RIMS1: variants seen among roughly 807,000 people sequenced by gnomAD.
The protein encoded by RIMS1 is regulating synaptic membrane exocytosis protein 1.
A neutral mutation model predicts 214.1 loss-of-function variants in RIMS1; 83 were observed. The ratio of observed to expected loss-of-function variants is 0.39; its 90% CI spans 0.32 to 0.47. The LOEUF (loss-of-function observed/expected upper bound fraction) is 0.47, where lower values mean the gene tolerates loss of function less well. Ranked by LOEUF, RIMS1 falls within the 20% of genes least tolerant of loss-of-function variation. The probability of loss-of-function intolerance (pLI) is 0.99; values close to 1 mark genes in which losing one functional copy is unlikely to be tolerated. For missense variants in RIMS1, 2,050 were observed against 2,161.8 expected (o/e 0.95, Z 1.03); for synonymous variants, 793 against 786.8 (o/e 1.01, Z -0.13).
chr6:72,113,537 CTT>C (rs1224245959), intron 4 of RIMS1, among the ~76,000 whole-genome samples: 1 of 152,066 alleles, frequency 6.6e-6, no homozygotes, highest in Non-Finnish European at 1.5e-5. Context: ...AATTGAATAA[CTT>C]TTAGCTTTTA....
intron 2 of RIMS1, among the ~76,000 whole-genome samples, chr6:72,096,367 A>G (rs2031682592): frequency 6.6e-6 from 1 of 152,210 alleles, no homozygotes; most frequent in Non-Finnish European, 1.5e-5. Flanking sequence ...ATAGATAAGT[A>G]GCCTCCAGGA....
chr6:72,018,625 T>C (rs1234014580), intron 2 of RIMS1, among the ~76,000 whole-genome samples: 3 of 152,074 alleles, frequency 2.0e-5, no homozygotes, highest in South Asian at 2.1e-4. Context: ...GATGAGAGTA[T>C]TGGGAGAAAA....
At position 71,886,910 on chromosome 6, in the gene RIMS1, C is replaced by A; in HGVS notation, c.-114C>A. 7.8e-7 allele frequency: 1 copy of A among 1,283,176 alleles called. No homozygotes were observed. Among genetic ancestry groups the A allele is most frequent in the Non-Finnish European group, 1.1e-6 (1 of 926,206 alleles). 79.5% of individuals were successfully genotyped at this position (1,283,176 alleles called of 1,614,324 possible). ...GCCGCCGCCGCCGCTGCTCCTCCTC[C>A]TGCCGCCGCCGCTAGGGCTCCGCTG... On this transcript the variant is annotated 5_prime_UTR_variant, in exon 1 of 34. It adds an upstream start codon to the 5' untranslated region. Transcript: ENST00000521978.
chr6:72,343,492 CTTTTTTT>C (rs764125827), intron 29 of RIMS1, among the ~76,000 whole-genome samples: 1 of 57,270 alleles, frequency 1.7e-5, no homozygotes, highest in Non-Finnish European at 2.9e-5. Context: ...TCTTCTTCTT[CTTTTTTT>C]TTTTTTTTTT....
At chr6:71,895,018 G>A (rs1263658931) in intron 1 of RIMS1, among the ~76,000 whole-genome samples, 2 of 152,118 alleles carry the variant, frequency 1.3e-5, no homozygotes, top group Non-Finnish European at 1.5e-5. Context: ...TATTTACATA[G>A]AGAAGGTATG....
At chr6:72,224,665 G>A (rs907532706) in intron 6 of RIMS1, among the ~76,000 whole-genome samples, 23 of 152,284 alleles carry the variant, frequency 1.5e-4, no homozygotes, top group African/African-American at 4.8e-4. Context: ...GTCTTTGACC[G>A]ACATTAACGT....
chr6:72,112,210 C>T (rs190994051), intron 4 of RIMS1, among the ~76,000 whole-genome samples: 2 of 152,216 alleles, frequency 1.3e-5, no homozygotes, highest in African/African-American at 4.8e-5. Flanking sequence ...AATATATCCA[C>T]AATGCAACCT....
At chr6:71,990,653 G>C (rs1457494211) in intron 2 of RIMS1, among the ~76,000 whole-genome samples, 1 of 152,108 alleles carries the variant, frequency 6.6e-6, no homozygotes, top group Non-Finnish European at 1.5e-5. Flanking sequence ...TTCCATGAGA[G>C]ACCTGGGGGC....
intron 6 of RIMS1, among the ~76,000 whole-genome samples, chr6:72,231,466 A>G (rs2061953403): frequency 6.6e-6 from 1 of 151,688 alleles, no homozygotes; most frequent in African/African-American, 2.4e-5. Context: ...TTTGTTAGCA[A>G]TATTTAGTAG....
chr6:72,358,770 G>A lies in RIMS1; in HGVS notation c.4366+24935G>A, dbSNP rs116033478. 4.5e-3 allele frequency among the ~76,000 whole-genome samples: 678 copies of A among 152,300 alleles called. 5 individuals carry two copies. The highest frequency in any genetic ancestry group is 0.016 in the African/African-American group (653 of 41,570). ...CAAGAGGAAAGACACCTTTTGCATTGTTACAGGAGAGAAAGAGGGAAAGAA... is the reference window on the plus strand; with the variant it reads ...CAAGAGGAAAGACACCTTTTGCATTATTACAGGAGAGAAAGAGGGAAAGAA... On this transcript the variant is annotated intron_variant, in intron 29 of 33. Transcript: ENST00000521978.
chr6:71,963,905 C>G (rs529494717), intron 1 of RIMS1, among the ~76,000 whole-genome samples: 33 of 152,154 alleles, frequency 2.2e-4, no homozygotes, highest in Non-Finnish European at 4.7e-4. Flanking sequence ...ATTCATTTAA[C>G]AAATATGTGG....
intron 4 of RIMS1, 87 bp from the exon 5 acceptor site, chr6:72,179,486 TTC>T (rs1371227959): frequency 1.7e-5 from 18 of 1,090,390 alleles, no homozygotes; most frequent in Non-Finnish European, 2.4e-5. Flanking sequence ...ATGAATACTG[TTC>T]TTTTTTTCTT....
chr6:72,132,810 A>T (rs998309964), intron 4 of RIMS1, among the ~76,000 whole-genome samples: 1 of 152,242 alleles, frequency 6.6e-6, no homozygotes, highest in African/African-American at 2.4e-5. Flanking sequence ...GTAATGAAGT[A>T]ATATCTCATT....
At chr6:71,928,785 G>A (rs1782248758) in intron 1 of RIMS1, among the ~76,000 whole-genome samples, 1 of 152,022 alleles carries the variant, frequency 6.6e-6, no homozygotes, top group South Asian at 2.1e-4. Flanking sequence ...AATCTACAGG[G>A]GTGGAACCTG....
At chr6:72,355,004 A>G (rs1218732313) in intron 29 of RIMS1, among the ~76,000 whole-genome samples, 3 of 152,194 alleles carry the variant, frequency 2.0e-5, no homozygotes, top group African/African-American at 4.8e-5. Flanking sequence ...TGTGGGGAGA[A>G]CTGTTATGTG....
At chr6:72,125,544 T>G (rs2039333471) in intron 4 of RIMS1, among the ~76,000 whole-genome samples, 1 of 152,250 alleles carries the variant, frequency 6.6e-6, no homozygotes, top group African/African-American at 2.4e-5. Flanking sequence ...CGTTTAAGTC[T>G]GCAGAAGTTT....
intron 29 of RIMS1, among the ~76,000 whole-genome samples, chr6:72,343,881 TAAC>T (rs1201805973): frequency 6.6e-6 from 1 of 151,696 alleles, no homozygotes; most frequent in Admixed American, 6.6e-5. Flanking sequence ...GGTGTATCAC[TAAC>T]TTCTCAAGAT....
At chr6:72,252,556 G>A (rs539186345) in intron 15 of RIMS1, among the ~76,000 whole-genome samples, 21 of 152,078 alleles carry the variant, frequency 1.4e-4, no homozygotes, top group Admixed American at 7.9e-4. Context: ...ATATGTCTTT[G>A]GTGTAATGAG....
intron 4 of RIMS1, among the ~76,000 whole-genome samples, chr6:72,110,496 C>T (rs2035828845): frequency 6.7e-6 from 1 of 149,228 alleles, no homozygotes; most frequent in African/African-American, 2.5e-5. Context: ...TGATTTGGCT[C>T]TCTGTTTGTC....
Sources: allele counts gnomAD v4.1 joint callset (sites outside exome capture counted in the v4.1 genomes callset), GRCh38; gene constraint gnomAD v4.1.1; transcripts MANE v1.5; gene names NCBI Gene and HGNC (gene_info 2026-07-23, HGNC 2026-07-21).